HAUS6: variants seen among roughly 807,000 people sequenced by gnomAD.
HAUS6 encodes the protein HAUS augmin like complex subunit 6.
A neutral mutation model predicts 106.8 loss-of-function variants in HAUS6; 80 were observed. The ratio of observed to expected loss-of-function variants is 0.75; its 90% CI spans 0.63 to 0.90. HAUS6 has a LOEUF of 0.90. Ranked by LOEUF, HAUS6 falls within the 40% of genes least tolerant of loss-of-function variation. The pLI is 0.00. For missense variants in HAUS6, 1,155 were observed against 1,118.1 expected, an observed-to-expected ratio of 1.03 and a Z score of -0.47; for synonymous variants, 356 against 379.1, an observed-to-expected ratio of 0.94 and a Z score of 0.71.
chr9:19,076,515 G>T, intron 11 of HAUS6, 87 bp downstream of exon 11: 1 of 724,950 alleles, frequency 1.4e-6, no homozygotes, highest in Non-Finnish European at 2.4e-6. Context: ...GGAGGAAAAA[G>T]ATAAGGAATT....
At chr9:19,095,784 C>G (rs997364559) in intron 2 of HAUS6, among the ~76,000 whole-genome samples, 5 of 152,018 alleles carry the variant, frequency 3.3e-5, no homozygotes, top group East Asian at 1.9e-4. Context: ...AAATCACATG[C>G]AAAATAACTT....
intron 9 of HAUS6, among the ~76,000 whole-genome samples, chr9:19,080,089 A>G (rs1426025745): frequency 1.4e-5 from 2 of 143,868 alleles, no homozygotes; most frequent in Non-Finnish European, 1.5e-5. Flanking sequence ...CAGGAGAATC[A>G]CTTGAACTCA....
chr9:19,082,321 C>A (rs1837168785), intron 8 of HAUS6, among the ~76,000 whole-genome samples: 2 of 152,204 alleles, frequency 1.3e-5, no homozygotes, highest in South Asian at 4.1e-4. Context: ...CATCTTCCTA[C>A]TAAGAAACTT....
At chr9:19,062,810 G>T (rs1836656856) in intron 14 of HAUS6, among the ~76,000 whole-genome samples, 198 bp downstream of exon 14, 1 of 152,112 alleles carries the variant, frequency 6.6e-6, no homozygotes, top group African/African-American at 2.4e-5. Context: ...GGACTTCAGA[G>T]ACACGCCCCC....
At position 19,058,463 on chromosome 9, in the gene HAUS6, A is replaced by G. The variant is rs998915585; in HGVS notation, c.2304T>C (p.Phe768=). The G allele has an allele frequency of 6.3e-7, 1 of 1,596,564 alleles. No individual in the cohort carries two copies. The highest frequency in any genetic ancestry group is 1.7e-5 in the Admixed American group (1 of 59,478). Residue 768 remains phenylalanine (F), a synonymous_variant, in exon 16 of 17, where the codon TTT becomes TTC. Transcript: ENST00000380502. ...GTAATATGCCAAAATCATTATCTTT[A>G]AAACTCTTAGAACTAATTCCACTTG... ...QISSGISSKS[F]KDNDFGILHE... is the part of the protein sequence containing the mutation.
chr9:19,094,737 G>C (rs1185406175), intron 2 of HAUS6, among the ~76,000 whole-genome samples: 1 of 152,122 alleles, frequency 6.6e-6, no homozygotes, highest in African/African-American at 2.4e-5. Flanking sequence ...TCTGCAGTGA[G>C]CCAAGATGGC....
chr9:19,079,389 G>A (rs1228679421), intron 9 of HAUS6, among the ~76,000 whole-genome samples: 4 of 151,128 alleles, frequency 2.6e-5, no homozygotes, highest in Non-Finnish European at 5.9e-5. Context: ...ACGCCACCAC[G>A]CCTGGCTAAT....
At chr9:19,101,917 T>C (rs1165598365) in intron 1 of HAUS6, among the ~76,000 whole-genome samples, 2 of 152,064 alleles carry the variant, frequency 1.3e-5, no homozygotes, top group African/African-American at 4.8e-5. Context: ...AGACTCCATA[T>C]GAAAGAAAAG....
chr9:19,054,404 G>A lies in HAUS6; in HGVS notation c.*1939C>T, dbSNP rs2131089457. On this transcript the variant is annotated 3_prime_UTR_variant, in exon 17 of 17. Transcript: ENST00000380502. ...GTAGGAGATACTGGATAGGGAAAAG[G>A]CTGAAGGCAAAAAGCTGCCATCACA... 6.6e-6 allele frequency: 1 copy of A among 152,316 alleles called. No homozygotes were observed. Among genetic ancestry groups the A allele is most frequent in the South Asian group, 2.1e-4 (1 of 4,830 alleles). 9.4% of individuals were successfully genotyped at this position (152,316 alleles called of 1,614,324 possible).
chr9:19,068,485 A>C (rs1408996941), intron 12 of HAUS6, among the ~76,000 whole-genome samples: 1 of 152,214 alleles, frequency 6.6e-6, no homozygotes, highest in Non-Finnish European at 1.5e-5. Context: ...ACTGCCTGTG[A>C]ACTAGATTAC....
rs111426176 is a variant in HAUS6, at chr9:19,088,713, CAA to C, written c.584+697_584+698del. Among the ~76,000 whole-genome samples the C allele has an allele frequency of 5.4e-3, 614 of 114,330 alleles. 3 individuals carry two copies. The highest frequency in any genetic ancestry group is 0.018 in the African/African-American group (568 of 30,776). The allele number at this position is 114,330 out of a possible 152,430, so 75.0% of individuals were successfully genotyped here. A position where few individuals can be genotyped will look rare whatever the true frequency, so the allele number is the denominator to read the frequency against. On this transcript the variant is annotated intron_variant, in intron 5 of 16. Transcript: ENST00000380502. ...CAAAACCCGGTCGCTACTATAAATA[CAA>C]AAAAAAAAAAAAATGAGCCAGGCGT...
At chr9:19,080,111 T>C (rs1588614592) in intron 9 of HAUS6, among the ~76,000 whole-genome samples, 1 of 139,668 alleles carries the variant, frequency 7.2e-6, no homozygotes, top group South Asian at 2.2e-4. Context: ...GAGGCAGGGG[T>C]TGTGGTGAGC....
In HAUS6 at chr9:19,058,700, C is replaced by T. The variant is rs1423195300; in HGVS notation, c.2067G>A (p.Lys689=). The T allele has an allele frequency of 1.9e-6, 3 of 1,613,674 alleles. No individual in the cohort carries two copies. ...CCAAATCTTGCTTGCAAATTACTTT[C>T]TTATTTAACAAATCTGACTGATTTT... is the stretch of plus-strand genomic sequence containing the variant. ...PTQNQSDLLN[K]KVICKQDLEC... Residue 689 remains lysine, a synonymous_variant, in exon 16 of 17, where the codon AAG becomes AAA. Transcript: ENST00000380502.
At chr9:19,094,017 T>C (rs1817809260) in intron 3 of HAUS6, among the ~76,000 whole-genome samples, 1 of 152,216 alleles carries the variant, frequency 6.6e-6, no homozygotes, top group South Asian at 2.1e-4. Context: ...ATTGATACTA[T>C]CTGGGCAAAC....
chr9:19,071,759 A>G (rs577587249), intron 11 of HAUS6, among the ~76,000 whole-genome samples: 4 of 151,982 alleles, frequency 2.6e-5, no homozygotes, highest in African/African-American at 7.2e-5. Flanking sequence ...GTTTTTTTAT[A>G]GAGACAGGGT....
At chr9:19,076,330 G>T (rs372104114) in intron 11 of HAUS6, among the ~76,000 whole-genome samples, 3 of 151,924 alleles carry the variant, frequency 2.0e-5, no homozygotes, top group African/African-American at 7.3e-5. Context: ...CTCCAGCTTG[G>T]GCAACAAAGT....
rs1817987720 is a variant in HAUS6 at position 19,101,563 on chromosome 9, GC to G, written c.128+960del. Among the ~76,000 whole-genome samples, 4 of 150,306 alleles carry G rather than the reference GC, an allele frequency of 2.7e-5. No homozygotes were observed. In the South Asian group the frequency reaches 8.4e-4, roughly 32 times the overall value. On this transcript the variant is annotated intron_variant, in intron 1 of 16. Coordinates refer to ENST00000380502, the MANE Select transcript of HAUS6 (RefSeq NM_017645.5). ...AGACCGAAGCAGGAGGATTGCTTGA[GC>G]CCAGGAATTTTGAGACCAGCCTGGG...
At chr9:19,066,432 A>G (rs1315405191) in intron 12 of HAUS6, among the ~76,000 whole-genome samples, 1 of 152,196 alleles carries the variant, frequency 6.6e-6, no homozygotes, top group Non-Finnish European at 1.5e-5. Context: ...CTAGAATTCA[A>G]TTTCTAACAC....
intron 14 of HAUS6, among the ~76,000 whole-genome samples, chr9:19,061,473 T>G (rs962119571): frequency 6.6e-6 from 1 of 152,070 alleles, no homozygotes; most frequent in African/African-American, 2.4e-5. Flanking sequence ...AGAGAAACAA[T>G]AGAACTTTAG....
Sources: allele counts gnomAD v4.1 joint callset (sites outside exome capture counted in the v4.1 genomes callset), GRCh38; gene constraint gnomAD v4.1.1; transcripts MANE v1.5; gene names NCBI Gene and HGNC (gene_info 2026-07-23, HGNC 2026-07-21).